Variants in EDNRB observed in about 807,000 individuals in gnomAD.
EDNRB encodes the protein endothelin receptor type B, also known as Hirschsprung disease 2.
In EDNRB, 18 loss-of-function variants were observed where a neutral mutation model predicts 46.4. That is an observed-to-expected ratio of 0.39 (90% confidence interval 0.27 to 0.57). The LOEUF (loss-of-function observed/expected upper bound fraction) is 0.57, where lower values mean the gene tolerates loss of function less well. EDNRB is among the 20% of genes least tolerant of loss of function. The pLI is 0.61. For synonymous variants in EDNRB, 213 were observed against 204.9 expected (o/e 1.04, Z -0.34); for missense variants, 434 against 537.5 (o/e 0.81, Z 1.90).
intron 1 of EDNRB, among the ~76,000 whole-genome samples, chr13:77,974,600 T>A (rs1336203351): frequency 1.2e-5 from 1 of 84,614 alleles, no homozygotes; most frequent in Non-Finnish European, 2.3e-5. Flanking sequence ...TCTCTGTCTC[T>A]CTCTCTCCTC....
chr13:77,955,888 T>G (rs989267369), intron 1 of EDNRB, among the ~76,000 whole-genome samples: 6 of 151,950 alleles, frequency 3.9e-5, no homozygotes, highest in Admixed American at 2.0e-4. Context: ...TATCTATCTA[T>G]CTATCTATTT....
intron 1 of EDNRB, among the ~76,000 whole-genome samples, chr13:77,956,656 A>G (rs1318574157): frequency 1.3e-5 from 2 of 152,202 alleles, no homozygotes; most frequent in Non-Finnish European, 2.9e-5. Flanking sequence ...AGTAGGTCAG[A>G]ACTCTGACAC....
intron 1 of EDNRB, among the ~76,000 whole-genome samples, chr13:77,968,913 A>G (rs1881651263): frequency 6.6e-6 from 1 of 152,214 alleles, no homozygotes; most frequent in Admixed American, 6.5e-5. Flanking sequence ...TTGGACAAAT[A>G]TTCAGGAGTA....
intron 1 of EDNRB, among the ~76,000 whole-genome samples, chr13:77,956,885 G>A (rs542805918): frequency 2.6e-5 from 4 of 152,240 alleles, no homozygotes; most frequent in Admixed American, 2.6e-4. Flanking sequence ...AAGGACTTAA[G>A]TAATTAGATG....
chr13:77,955,893 C>CTATCTATCTATCTATG (rs1177147226), intron 1 of EDNRB, among the ~76,000 whole-genome samples: 1 of 144,638 alleles, frequency 6.9e-6, no homozygotes, highest in African/African-American at 2.5e-5. Flanking sequence ...ATCTATCTAT[C>CTATCTATCTATCTATG]TATTTTTATG....
intron 1 of EDNRB, among the ~76,000 whole-genome samples, chr13:77,941,857 G>T (rs1315306482): frequency 6.6e-6 from 1 of 152,204 alleles, no homozygotes; most frequent in Non-Finnish European, 1.5e-5. Flanking sequence ...GTACCATTTT[G>T]AGTAAGGAGT....
chr13:77,956,007 TG>T (rs1318779832), intron 1 of EDNRB, among the ~76,000 whole-genome samples: 1 of 152,172 alleles, frequency 6.6e-6, no homozygotes, highest in Admixed American at 6.5e-5. Context: ...TTTGTGTATT[TG>T]GGGTCTTTTG....
chr13:77,968,941 G>A (rs192559294), intron 1 of EDNRB, among the ~76,000 whole-genome samples: 87 of 152,202 alleles, frequency 5.7e-4, no homozygotes, highest in Middle Eastern at 6.8e-3. Context: ...ACTAACTTTC[G>A]TCACCCTTCC....
At chr13:77,934,681 G>GT (rs1880505511) in intron 1 of EDNRB, among the ~76,000 whole-genome samples, 2 of 33,960 alleles carry the variant, frequency 5.9e-5, no homozygotes, top group South Asian at 2.0e-3. Flanking sequence ...TGTAGGAAAG[G>GT]GGGGGGGGGG....
intron 1 of EDNRB, among the ~76,000 whole-genome samples, chr13:77,974,323 T>A (rs570879733): frequency 6.6e-6 from 1 of 152,308 alleles, no homozygotes; most frequent in East Asian, 1.9e-4. Flanking sequence ...ATTATTTTAC[T>A]TTTTTTCTGT....
intron 1 of EDNRB, among the ~76,000 whole-genome samples, chr13:77,964,977 T>C (rs935845943): frequency 1.3e-5 from 2 of 152,156 alleles, no homozygotes; most frequent in African/African-American, 2.4e-5. Flanking sequence ...ATCCAAATCA[T>C]TACCATATAC....
intron 1 of EDNRB, among the ~76,000 whole-genome samples, chr13:77,909,263 A>G (rs892206871): frequency 1.3e-5 from 2 of 152,064 alleles, no homozygotes; most frequent in African/African-American, 4.8e-5. Context: ...ATTACATTAT[A>G]AAGTCATTTT....
intron 1 of EDNRB, among the ~76,000 whole-genome samples, chr13:77,961,982 T>C (rs1437955105): frequency 6.6e-6 from 1 of 152,066 alleles, no homozygotes; most frequent in East Asian, 1.9e-4. Context: ...CAAACTACCA[T>C]CAGAGAATAC....
intron 1 of EDNRB, among the ~76,000 whole-genome samples, chr13:77,925,078 A>G (rs1018929525): frequency 1.3e-5 from 2 of 152,208 alleles, no homozygotes; most frequent in Non-Finnish European, 2.9e-5. Flanking sequence ...ATCCCTAGCA[A>G]CCACCATTTT....
intron 4 of EDNRB, 150 bp from the exon 5 acceptor site, chr13:77,900,804 T>C: frequency 7.9e-7 from 1 of 1,273,720 alleles, no homozygotes; most frequent in Non-Finnish European, 1.1e-6. Context: ...ATAGTTAATG[T>C]GAAGTGGAAC....
chr13:77,967,927 C>G (rs927343344), intron 1 of EDNRB, among the ~76,000 whole-genome samples: 1 of 152,134 alleles, frequency 6.6e-6, no homozygotes, highest in African/African-American at 2.4e-5. Flanking sequence ...TTGCTTGGGT[C>G]TTCTCCTTGA....
rs994251554 is a variant in EDNRB at position 77,918,692 on chromosome 13, G to T, written c.-119C>A. 7.1e-7 allele frequency: 1 copy of T among 1,408,348 alleles called. No individual in the cohort carries two copies. The highest frequency in any genetic ancestry group is 9.2e-7 in the Non-Finnish European group (1 of 1,086,718). The allele number at this position is 1,408,348 out of a possible 1,614,324, so 87.2% of individuals were successfully genotyped here. A position where few individuals can be genotyped will look rare whatever the true frequency, so the allele number is the denominator to read the frequency against. On this transcript the variant is annotated 5_prime_UTR_variant, in exon 1 of 7. Transcript: ENST00000646607. This position sits in a 1 kb window ranked among gnomAD's most constrained non-coding sequence, Gnocchi z 4.5. ...CTGCCCGAGCCAAGTCGCTGCAAAC[G>T]CTAATACCGCCCGCAGCCTCTTCGC...
intron 1 of EDNRB, among the ~76,000 whole-genome samples, chr13:77,955,030 T>C (rs1235706846): frequency 6.6e-6 from 1 of 152,226 alleles, no homozygotes; most frequent in African/African-American, 2.4e-5. Flanking sequence ...TTTAATTTTT[T>C]GAGACACCTC....
At chr13:77,946,338 A>C (rs950940556) in intron 1 of EDNRB, among the ~76,000 whole-genome samples, 1 of 152,184 alleles carries the variant, frequency 6.6e-6, no homozygotes, top group Non-Finnish European at 1.5e-5. Flanking sequence ...GGTACAGAGG[A>C]GATACGGAAG....
Sources: gnomAD v4.1 joint callset for allele counts (sites outside exome capture counted in the v4.1 genomes callset) on GRCh38, gnomAD v4.1.1 for gene constraint, Gnocchi (gnomAD v3.1) non-coding constraint, MANE v1.5 for transcripts, NCBI Gene and HGNC (gene_info 2026-07-23, HGNC 2026-07-21) for gene names.